Variants in RBMS1 observed in about 807,000 individuals in gnomAD.
RBMS1 encodes RNA binding motif single stranded interacting protein 1.
Under a neutral mutation model 62.3 loss-of-function variants are expected in RBMS1, and 17 were observed. The ratio of observed to expected loss-of-function variants is 0.27; its 90% CI spans 0.19 to 0.41. The LOEUF (loss-of-function observed/expected upper bound fraction) is 0.41. RBMS1 is among the 10% of genes least tolerant of loss of function. The probability of loss-of-function intolerance (pLI) is 1.00; values close to 1 mark genes in which losing one functional copy is unlikely to be tolerated. For synonymous variants in RBMS1, 172 were observed against 170.0 expected (o/e 1.01, Z -0.09); for missense variants, 334 against 504.5 (o/e 0.66, Z 3.24).
intron 10 of RBMS1, chr2:160,279,647 CATT>C (rs1559309107): frequency 6.6e-6 from 1 of 152,224 alleles, no homozygotes; most frequent in Non-Finnish European, 1.5e-5. Flanking sequence ...GCAATCACCT[CATT>C]ATCTGAGAAT....
intron 1 of RBMS1, among the ~76,000 whole-genome samples, chr2:160,411,999 G>GA (rs1327001192): frequency 1.3e-5 from 2 of 152,234 alleles, no homozygotes. Flanking sequence ...TAGGTGCACT[G>GA]AAGTTTTTCT....
intron 2 of RBMS1, among the ~76,000 whole-genome samples, chr2:160,353,228 T>C (rs1692614229): frequency 1.3e-5 from 2 of 152,094 alleles, no homozygotes; most frequent in Admixed American, 6.6e-5. Context: ...TTATAAATAT[T>C]TTTGTATATA....
intron 2 of RBMS1, among the ~76,000 whole-genome samples, chr2:160,340,594 T>C (rs1305638129): frequency 6.6e-6 from 1 of 151,946 alleles, no homozygotes; most frequent in East Asian, 1.9e-4. Flanking sequence ...CAGGTGCAAA[T>C]TCAAGTAGGA....
intron 6 of RBMS1, 121 bp from the exon 7 acceptor site, chr2:160,287,205 C>A: frequency 2.3e-6 from 3 of 1,323,652 alleles, no homozygotes; most frequent in Non-Finnish European, 3.1e-6. Flanking sequence ...CACTTTAAGG[C>A]AAAAGCAGTT....
At chr2:160,307,921 A>T (rs1172229083) in intron 4 of RBMS1, among the ~76,000 whole-genome samples, 1 of 152,180 alleles carries the variant, frequency 6.6e-6, no homozygotes, top group African/African-American at 2.4e-5. Flanking sequence ...TTAGGTACCC[A>T]GTATGTCAAA....
chr2:160,407,734 A>G (rs1695831205), intron 1 of RBMS1: 6 of 981,168 alleles, frequency 6.1e-6, no homozygotes, highest in South Asian at 4.7e-5. Flanking sequence ...GCACTCGCCT[A>G]AAAGTACGGC....
chr2:160,471,691 G>GTGTGTATGTATATATATATA (rs1275928756), intron 1 of RBMS1, among the ~76,000 whole-genome samples: 1 of 65,950 alleles, frequency 1.5e-5, no homozygotes, highest in Non-Finnish European at 3.2e-5. Flanking sequence ...ATCCTTTGGT[G>GTGTGTATGTATATATATATA]TATATATATA....
chr2:160,355,010 A>G (rs566723921), intron 2 of RBMS1, among the ~76,000 whole-genome samples: 1 of 152,246 alleles, frequency 6.6e-6, no homozygotes, highest in Admixed American at 6.5e-5. Context: ...CTCTCTCACG[A>G]AATTTCGTCT....
intron 1 of RBMS1, among the ~76,000 whole-genome samples, chr2:160,439,608 C>T (rs1244167808): frequency 9.5e-5 from 14 of 147,952 alleles, no homozygotes; most frequent in Admixed American, 3.4e-4. Context: ...ACATCCCAGA[C>T]GATGGGCGGC....
At chr2:160,463,641 C>A (rs188186999) in intron 1 of RBMS1, among the ~76,000 whole-genome samples, 1 of 152,084 alleles carries the variant, frequency 6.6e-6, no homozygotes, top group East Asian at 1.9e-4. Flanking sequence ...AGAAATTAGC[C>A]GGGCATGGTG....
rs754144868 is a variant in RBMS1, at chr2:160,285,023, C to T, written c.778G>A (p.Asp260Asn). 1.7e-5 allele frequency: 27 copies of T among 1,612,908 alleles called. No homozygotes were observed. The Admixed American group carries it at 2.0e-4, about 12-fold the overall frequency. ...TTCTGTATAGCAGCTGTAGTTGGGT[C>T]GTAAGTAAGTGTCATTCCAGCCTAT... is the stretch of plus-strand genomic sequence containing the variant. Reference protein sequence around the residue: ...VRLAGMTLTYDPTTAAIQNGF... With the variant: ...VRLAGMTLTYNPTTAAIQNGF... Residue 260 changes from aspartate to asparagine, a missense_variant, in exon 8 of 14, where the codon GAC becomes AAC. Asp to Asn is a conservative substitution (Grantham distance 23). Transcript: ENST00000348849.
At chr2:160,383,536 C>G (rs1487088932) in intron 1 of RBMS1, among the ~76,000 whole-genome samples, 1 of 150,780 alleles carries the variant, frequency 6.6e-6, no homozygotes, top group East Asian at 1.9e-4. Flanking sequence ...AATAAGTATA[C>G]AAAATGATGG....
intron 6 of RBMS1, among the ~76,000 whole-genome samples, chr2:160,289,982 C>T (rs930616823): frequency 1.4e-5 from 2 of 148,046 alleles, no homozygotes; most frequent in African/African-American, 5.0e-5. Context: ...TGATGTTGAG[C>T]AAGGGTTAGA....
chr2:160,466,744 A>G (rs1684712015), intron 1 of RBMS1, among the ~76,000 whole-genome samples: 1 of 152,192 alleles, frequency 6.6e-6, no homozygotes, highest in South Asian at 2.1e-4. Flanking sequence ...ATAAAGAAAA[A>G]CAAAAACAAA....
Position 160,493,733 on chromosome 2 carries a change from G to A in RBMS1, c.-370C>T. The A allele has an allele frequency of 5.9e-6, 2 of 341,168 alleles. No homozygotes were observed. The highest frequency in any genetic ancestry group is 5.9e-5 in the South Asian group (2 of 34,038). The allele number at this position is 341,168 out of a possible 1,614,324, so 21.1% of individuals were successfully genotyped here. The stretch of plus-strand genomic sequence containing the variant: ...CGCGGTCCGCTCGGGCGAGCCGGCT[G>A]CGCGGGGCTGAGAGGTGATCAATAC... On this transcript the variant is annotated 5_prime_UTR_variant, in exon 1 of 14. Coordinates refer to ENST00000348849, the MANE Select transcript of RBMS1 (RefSeq NM_016836.4).
At position 160,311,209 on chromosome 2, in the gene RBMS1, A is replaced by AAATCT. The variant is rs1553505365; in HGVS notation, c.402+1946_402+1947insAGATT. ...GACCCTGTCTCCAAAAAAAAAAAAA[A>AAATCT]ATCTATCTATCTATCTATCTATCTA... On this transcript the variant is annotated intron_variant, in intron 4 of 13. Transcript: ENST00000348849. 8.7e-3 allele frequency among the ~76,000 whole-genome samples: 504 copies of AAATCT among 57,722 alleles called. 5 individuals are homozygous for AAATCT. The highest frequency in any genetic ancestry group is 0.031 in the Middle Eastern group (3 of 98). 37.9% of individuals were successfully genotyped at this position (57,722 alleles called of 152,430 possible). A position where few individuals can be genotyped will look rare whatever the true frequency, so the allele number is the denominator to read the frequency against.
rs563392386 is a variant in RBMS1, at chr2:160,415,090, G to A, written c.76-47699C>T. On this transcript the variant is annotated intron_variant, in intron 1 of 13. Transcript: ENST00000348849. ...TGCTGTTTTCCTAAATTGACTGGACGATGTCTCAATCTTCTATACTCTGAT... is the reference window on the plus strand; with the variant it reads ...TGCTGTTTTCCTAAATTGACTGGACAATGTCTCAATCTTCTATACTCTGAT... Among the ~76,000 whole-genome samples the A allele has an allele frequency of 4.6e-5, 7 of 151,808 alleles. No individual in the cohort carries two copies. In the East Asian group the frequency reaches 1.4e-3, roughly 29 times the overall value.
chr2:160,387,348 T>A (rs914710552), intron 1 of RBMS1, among the ~76,000 whole-genome samples: 2 of 151,942 alleles, frequency 1.3e-5, no homozygotes, highest in African/African-American at 2.4e-5. Context: ...GAGGGATGAA[T>A]AAGAATTGGG....
chr2:160,393,791 A>C (rs1371853698), intron 1 of RBMS1, among the ~76,000 whole-genome samples: 1 of 151,602 alleles, frequency 6.6e-6, no homozygotes, highest in African/African-American at 2.4e-5. Flanking sequence ...AAAAAAAAAG[A>C]AAAGAAAACA....
Sources: gnomAD v4.1 joint callset for allele counts (sites outside exome capture counted in the v4.1 genomes callset) on GRCh38, gnomAD v4.1.1 for gene constraint, MANE v1.5 for transcripts, NCBI Gene and HGNC (gene_info 2026-07-23, HGNC 2026-07-21) for gene names.